The following ZNF442 variants were observed in gnomAD, a reference collection of about 807,000 sequenced individuals.
ZNF442 encodes zinc finger protein 442.
A neutral mutation model predicts 57.0 loss-of-function variants in ZNF442; 45 were observed. The observed-to-expected ratio is 0.79, with a 90% CI of 0.62 to 1.01. The LOEUF is 1.01. Ranked by LOEUF, ZNF442 falls within the 50% of genes least tolerant of loss-of-function variation. The probability of loss-of-function intolerance (pLI) is 0.00; values close to 1 mark genes in which losing one functional copy is unlikely to be tolerated. For synonymous variants in ZNF442, 213 were observed against 241.8 expected (o/e 0.88, Z 1.10); for missense variants, 690 against 756.5 (o/e 0.91, Z 1.03).
chr19:12,351,365 CTTTATG>C (rs747894889), intron 5 of ZNF442, 47 bp from the exon 6 acceptor site: 5 of 1,522,488 alleles, frequency 3.3e-6, no homozygotes, highest in Non-Finnish European at 3.5e-6. Context: ...TTATAAATGA[CTTTATG>C]TTTATTAGTA....
upstream of ZNF442, among the ~76,000 whole-genome samples, chr19:12,370,810 T>A (rs1969574684): frequency 6.6e-6 from 1 of 151,284 alleles, no homozygotes; most frequent in Admixed American, 6.6e-5. Context: ...CCGTCTCTAC[T>A]AAAAATACAA....
intron 3 of ZNF442, among the ~76,000 whole-genome samples, chr19:12,353,826 A>G (rs1352610909): frequency 6.6e-6 from 1 of 152,190 alleles, no homozygotes; most frequent in African/African-American, 2.4e-5. Flanking sequence ...CCATTCTTGG[A>G]TTAATGGCTT....
intron 3 of ZNF442, among the ~76,000 whole-genome samples, chr19:12,355,248 G>A (rs377738951): frequency 2.3e-4 from 32 of 137,334 alleles, no homozygotes; most frequent in African/African-American, 7.6e-4. Flanking sequence ...CCGAGATCGC[G>A]CCACTGCACT....
chr19:12,352,154 G>A (rs1969250416), intron 4 of ZNF442, 84 bp from the exon 5 acceptor site: 2 of 1,306,214 alleles, frequency 1.5e-6, no homozygotes, highest in Non-Finnish European at 2.2e-6. Context: ...ATGGAATCAT[G>A]CATGATTCAT....
At chr19:12,365,770 C>A (rs1257471501), upstream of ZNF442, 8 of 176,380 alleles carry the variant, frequency 4.5e-5, no homozygotes, top group South Asian at 3.6e-4. Flanking sequence ...TTCCGCCCCC[C>A]CAGGGAACTG....
rs763971351 is a variant in ZNF442, at chr19:12,346,436, A to G, written c.*3265T>C. ...AATTGGCTATTATGAAAAAAATACG[A>G]CAACCAGTATATGTGACAATGTGGA... On this transcript the variant is annotated 3_prime_UTR_variant, in exon 6 of 6. Transcript: ENST00000242804. 7 of 152,244 alleles carry G rather than the reference A, an allele frequency of 4.6e-5. No individual in the cohort carries two copies. Among genetic ancestry groups the G allele is most frequent in the Non-Finnish European group, 8.8e-5 (6 of 68,050 alleles). 9.4% of individuals were successfully genotyped at this position (152,244 alleles called of 1,614,324 possible).
chr19:12,350,157 T>C lies in ZNF442; in HGVS notation c.1428A>G (p.Gln476=), dbSNP rs918505462. The C allele has an allele frequency of 6.2e-7, 1 of 1,613,916 alleles. No homozygotes were observed. The highest frequency in any genetic ancestry group is 1.3e-5 in the African/African-American group (1 of 74,914). The change falls in exon 6 of 6, where the codon CAA becomes CAG. Residue 476 remains glutamine, a synonymous_variant. Coordinates refer to ENST00000242804, the MANE Select transcript of ZNF442 (RefSeq NM_030824.3). ...CTCCAGTGTGAGTTGTTTCATGATTTTGAAAGGAATAGAAATCAATAAAGG... is the reference window on the plus strand; with the variant it reads ...CTCCAGTGTGAGTTGTTTCATGATTCTGAAAGGAATAGAAATCAATAAAGG... ...GKAFIDFYSF[Q]NHETTHTGEK...
intron 3 of ZNF442, among the ~76,000 whole-genome samples, chr19:12,354,494 A>G (rs1969292842): frequency 6.6e-6 from 1 of 152,264 alleles, no homozygotes; most frequent in South Asian, 2.1e-4. Context: ...AACTAACAGA[A>G]GTCACAAATG....
At chr19:12,355,509 A>G (rs1969313843) in intron 3 of ZNF442, among the ~76,000 whole-genome samples, 1 of 149,302 alleles carries the variant, frequency 6.7e-6, no homozygotes, top group African/African-American at 2.5e-5. Context: ...TTACAGGCGC[A>G]CACCACACGC....
intron 3 of ZNF442, among the ~76,000 whole-genome samples, chr19:12,362,665 AGGTGGGGGGCCCCTCTGCCC>A (rs1969454926): frequency 1.4e-5 from 2 of 138,178 alleles, no homozygotes; most frequent in African/African-American, 6.9e-5. Flanking sequence ...CCCGTCTGGG[AGGTGGGGGGCCCCTCTGCCC>A]GGCCGCCACC....
rs544382870 is a variant in ZNF442, at chr19:12,347,428, T to C, written c.*2273A>G. 4 of 152,330 alleles carry C rather than the reference T, an allele frequency of 2.6e-5. No homozygotes were observed. The highest frequency in any genetic ancestry group is 4.1e-4 in the South Asian group (2 of 4,824). 9.4% of individuals were successfully genotyped at this position (152,330 alleles called of 1,614,324 possible). A position where few individuals can be genotyped will look rare whatever the true frequency, so the allele number is the denominator to read the frequency against. On this transcript the variant is annotated 3_prime_UTR_variant, in exon 6 of 6. Transcript: ENST00000242804. ...AATGATTTCAGGAGCTTCTCCACTATTGATGAAGTATCAGGAATATCTCAA... is the reference window on the plus strand; with the variant it reads ...AATGATTTCAGGAGCTTCTCCACTACTGATGAAGTATCAGGAATATCTCAA...
chr19:12,363,461 G>A lies in ZNF442; in HGVS notation c.78+93C>T, dbSNP rs1051838709. 3 of 1,235,092 alleles carry A rather than the reference G, an allele frequency of 2.4e-6. No individual in the cohort carries two copies. The African/African-American group carries it at 4.4e-5, about 18-fold the overall frequency. The allele number at this position is 1,235,092 out of a possible 1,614,324, so 76.5% of individuals were successfully genotyped here. On this transcript the variant is annotated intron_variant, in intron 3 of 5. Coordinates refer to ENST00000242804, the MANE Select transcript of ZNF442 (RefSeq NM_030824.3). ...GTGACCACCCACCACCACCCCAGGA[G>A]ATACTTCACTGTGTGCTTTTCAGGC...
chr19:12,369,401 C>G (rs1410290358), upstream of ZNF442, among the ~76,000 whole-genome samples: 1 of 151,134 alleles, frequency 6.6e-6, no homozygotes, highest in Non-Finnish European at 1.5e-5. Flanking sequence ...GGTGGATCAC[C>G]TGAGGTCGGG....
At chr19:12,357,182 CATT>C (rs1025989296) in intron 3 of ZNF442, among the ~76,000 whole-genome samples, 3 of 152,028 alleles carry the variant, frequency 2.0e-5, no homozygotes, top group African/African-American at 7.2e-5. Flanking sequence ...AAATATTTTT[CATT>C]ATTCCAATTT....
At chr19:12,352,303 C>T (rs950880183) in intron 4 of ZNF442, among the ~76,000 whole-genome samples, 20 of 152,174 alleles carry the variant, frequency 1.3e-4, no homozygotes, top group South Asian at 6.2e-4. Context: ...CTGCAACCTC[C>T]GCTTCCTGGG....
chr19:12,356,055 C>T (rs1327172426), intron 3 of ZNF442, among the ~76,000 whole-genome samples: 1 of 151,586 alleles, frequency 6.6e-6, no homozygotes. Flanking sequence ...AGGAGTCTTC[C>T]AAATTCAACT....
At chr19:12,357,086 A>G (rs1969343155) in intron 3 of ZNF442, among the ~76,000 whole-genome samples, 1 of 152,222 alleles carries the variant, frequency 6.6e-6, no homozygotes, top group Non-Finnish European at 1.5e-5. Flanking sequence ...TATGTCAAAC[A>G]GATTGAAGCA....
At chr19:12,365,799 T>TTA (rs1474402745), upstream of ZNF442, 9 of 166,860 alleles carry the variant, frequency 5.4e-5, no homozygotes, top group Admixed American at 3.8e-4. Context: ...AAGAAGGATC[T>TTA]TACACGGCTG....
chr19:12,364,162 T>C (rs1475951098), intron 2 of ZNF442, among the ~76,000 whole-genome samples: 1 of 151,910 alleles, frequency 6.6e-6, no homozygotes, highest in Non-Finnish European at 1.5e-5. Flanking sequence ...TCCCAGCACT[T>C]TGGGAGGCCG....
Sources: gnomAD v4.1 joint callset for allele counts (sites outside exome capture counted in the v4.1 genomes callset) on GRCh38, gnomAD v4.1.1 for gene constraint, MANE v1.5 for transcripts, NCBI Gene and HGNC (gene_info 2026-07-23, HGNC 2026-07-21) for gene names.